PTER: variants seen among roughly 807,000 people sequenced by gnomAD.
The protein encoded by PTER is N-acetyltaurine hydrolase.
Under a neutral mutation model 29.6 loss-of-function variants are expected in PTER, and 38 were observed. That is an observed-to-expected ratio of 1.28 (90% confidence interval 0.99 to 1.68). The LOEUF (loss-of-function observed/expected upper bound fraction) is 1.68, where lower values mean the gene tolerates loss of function less well. PTER is among the 40% of genes most tolerant of loss of function. PTER has a pLI of 0.00. For synonymous variants in PTER, 172 were observed against 154.5 expected, an observed-to-expected ratio of 1.11 and a Z score of -0.84; for missense variants, 482 against 427.8, an observed-to-expected ratio of 1.13 and a Z score of -1.12.
chr10:16,439,022 T>C (rs762306504), intron 1 of PTER, among the ~76,000 whole-genome samples: 10 of 151,996 alleles, frequency 6.6e-5, no homozygotes, highest in Non-Finnish European at 8.8e-5. Context: ...TTTAATGATA[T>C]TTTGGGCCAG....
At chr10:16,514,160 C>T, downstream of PTER, 1 of 398,992 alleles carries the variant, frequency 2.5e-6, no homozygotes, top group Non-Finnish European at 4.4e-6. Flanking sequence ...AGAACCAAAG[C>T]TGACATATGG....
intron 1 of PTER, among the ~76,000 whole-genome samples, chr10:16,478,486 A>G (rs1195384849): frequency 6.6e-6 from 1 of 151,998 alleles, no homozygotes; most frequent in African/African-American, 2.4e-5. Context: ...GGTGCCTGCC[A>G]CCACAGCTGA....
At chr10:16,491,868 C>A (rs1163592652) in intron 3 of PTER, among the ~76,000 whole-genome samples, 1 of 152,142 alleles carries the variant, frequency 6.6e-6, no homozygotes, top group East Asian at 1.9e-4. Context: ...AGTGTGCCCC[C>A]AATCACATTG....
intron 3 of PTER, among the ~76,000 whole-genome samples, chr10:16,502,982 C>T: frequency 9.5e-6 from 1 of 104,978 alleles, no homozygotes. Context: ...GAGGGAGACT[C>T]TGTCTCAAAA....
intron 1 of PTER, among the ~76,000 whole-genome samples, chr10:16,482,600 G>A (rs749645257): frequency 6.6e-6 from 1 of 152,166 alleles, no homozygotes; most frequent in African/African-American, 2.4e-5. Context: ...TGGGGGAAAT[G>A]ATGACTTCAG....
chr10:16,492,474 A>G (rs2133469067), intron 3 of PTER, among the ~76,000 whole-genome samples: 1 of 152,288 alleles, frequency 6.6e-6, no homozygotes, highest in South Asian at 2.1e-4. Flanking sequence ...AAAAAAAACA[A>G]CACCCCACAT....
At chr10:16,485,025 G>A (rs1017636700) in intron 2 of PTER, among the ~76,000 whole-genome samples, 1 of 152,114 alleles carries the variant, frequency 6.6e-6, no homozygotes, top group Non-Finnish European at 1.5e-5. Flanking sequence ...AAAGAAAAAA[G>A]AAAATAATAA....
intron 3 of PTER, among the ~76,000 whole-genome samples, chr10:16,497,839 T>C (rs1231886984): frequency 6.6e-6 from 1 of 152,204 alleles, no homozygotes; most frequent in Non-Finnish European, 1.5e-5. Flanking sequence ...ATCACCTGTC[T>C]TGCATTATAG....
intron 1 of PTER, among the ~76,000 whole-genome samples, chr10:16,452,792 A>G (rs921395256): frequency 2.6e-5 from 4 of 151,706 alleles, no homozygotes; most frequent in Middle Eastern, 3.2e-3. Flanking sequence ...TTGCTCTGTC[A>G]CCCAGGCTGG....
At chr10:16,452,194 TACACAC>T (rs375537112) in intron 1 of PTER, among the ~76,000 whole-genome samples, 5 of 146,252 alleles carry the variant, frequency 3.4e-5, no homozygotes, top group Admixed American at 6.9e-5. Flanking sequence ...ACCAGTGGGA[TACACAC>T]ACACACACAC....
chr10:16,494,918 A>G (rs1296454099), intron 3 of PTER, among the ~76,000 whole-genome samples: 1 of 152,068 alleles, frequency 6.6e-6, no homozygotes, highest in East Asian at 1.9e-4. Context: ...GTTAATATCA[A>G]ATTAGAGTAT....
At chr10:16,480,347 C>T (rs1273916751) in intron 1 of PTER, among the ~76,000 whole-genome samples, 1 of 151,720 alleles carries the variant, frequency 6.6e-6, no homozygotes. Flanking sequence ...AGACATGTGC[C>T]ACCAGGCCCA....
chr10:16,476,070 C>G (rs1168824869), intron 1 of PTER: 1 of 152,002 alleles, frequency 6.6e-6, no homozygotes, highest in South Asian at 2.1e-4. Context: ...TAATCATAAT[C>G]CTGAACATTT....
At chr10:16,476,901 CTTT>C (rs1010674988) in intron 1 of PTER, among the ~76,000 whole-genome samples, 7 of 100,348 alleles carry the variant, frequency 7.0e-5, no homozygotes, top group South Asian at 6.9e-4. Context: ...TCCTAGAATT[CTTT>C]TTTTTTTTTT....
At chr10:16,500,689 A>G (rs925161683) in intron 3 of PTER, among the ~76,000 whole-genome samples, 2 of 152,122 alleles carry the variant, frequency 1.3e-5, no homozygotes, top group Non-Finnish European at 2.9e-5. Flanking sequence ...ATTTCATTGC[A>G]TCTGGAGAAT....
intron 1 of PTER, among the ~76,000 whole-genome samples, chr10:16,462,450 T>A (rs1001179027): frequency 2.0e-5 from 3 of 152,206 alleles, no homozygotes; most frequent in Admixed American, 1.3e-4. Flanking sequence ...AGTCTGACTT[T>A]AGGGTTTGTT....
At chr10:16,464,210 C>T (rs1834726680) in intron 1 of PTER, among the ~76,000 whole-genome samples, 1 of 152,176 alleles carries the variant, frequency 6.6e-6, no homozygotes, top group Non-Finnish European at 1.5e-5. Flanking sequence ...TTTATGAAGA[C>T]ACATCCATAC....
rs1158350626 is a variant in PTER at position 16,512,044 on chromosome 10, T to C, written c.*788T>C. 2 of 151,190 alleles carry C rather than the reference T, an allele frequency of 1.3e-5. No homozygotes were observed. The highest frequency in any genetic ancestry group is 4.9e-5 in the African/African-American group (2 of 40,434). 9.4% of individuals were successfully genotyped at this position (151,190 alleles called of 1,614,324 possible). On this transcript the variant is annotated 3_prime_UTR_variant, in exon 5 of 5. Transcript: ENST00000535784. The stretch of plus-strand genomic sequence containing the variant: ...ATAACAAAGGCCACAATTTAATTAA[T>C]TGGTAAGATATAATGCAAAAAAAAA...
At chr10:16,445,709 C>G (rs908765323) in intron 1 of PTER, among the ~76,000 whole-genome samples, 1 of 152,262 alleles carries the variant, frequency 6.6e-6, no homozygotes, top group Non-Finnish European at 1.5e-5. Flanking sequence ...CACTGATGCA[C>G]CATGCGTGGC....
Sources: gnomAD v4.1 joint callset for allele counts (sites outside exome capture counted in the v4.1 genomes callset) on GRCh38, gnomAD v4.1.1 for gene constraint, MANE v1.5 for transcripts, NCBI Gene and HGNC (gene_info 2026-07-23, HGNC 2026-07-21) for gene names.